PPP4R2: variants seen among roughly 807,000 people sequenced by gnomAD.
The protein encoded by PPP4R2 is serine/threonine-protein phosphatase 4 regulatory subunit 2.
In PPP4R2, 13 loss-of-function variants were observed where a neutral mutation model predicts 47.2. The ratio of observed to expected loss-of-function variants is 0.28; its 90% CI spans 0.18 to 0.44. PPP4R2 has a LOEUF of 0.44. PPP4R2 is among the 20% of genes least tolerant of loss of function. The probability of loss-of-function intolerance (pLI) is 1.00; values close to 1 mark genes in which losing one functional copy is unlikely to be tolerated. For synonymous variants in PPP4R2, 151 were observed against 163.3 expected, an observed-to-expected ratio of 0.92 and a Z score of 0.57; for missense variants, 421 against 491.2, an observed-to-expected ratio of 0.86 and a Z score of 1.35.
At chr3:73,041,955 G>A (rs935334740) in intron 2 of PPP4R2, among the ~76,000 whole-genome samples, 1 of 152,160 alleles carries the variant, frequency 6.6e-6, no homozygotes, top group African/African-American at 2.4e-5. Context: ...CTAGCACCAG[G>A]ATATATTTAT....
intron 3 of PPP4R2, among the ~76,000 whole-genome samples, chr3:73,049,358 G>T (rs1379810064): frequency 6.6e-6 from 1 of 152,056 alleles, no homozygotes; most frequent in Non-Finnish European, 1.5e-5. Context: ...AATCAGCTGG[G>T]CGTTGTCGCG....
chr3:73,017,765 C>T (rs888600569), intron 2 of PPP4R2, among the ~76,000 whole-genome samples: 22 of 151,190 alleles, frequency 1.5e-4, no homozygotes, highest in African/African-American at 3.9e-4. Flanking sequence ...CTTGCTCTGT[C>T]GCCCAGGCTG....
At chr3:73,005,263 C>T (rs948798239) in intron 2 of PPP4R2, among the ~76,000 whole-genome samples, 1 of 151,560 alleles carries the variant, frequency 6.6e-6, no homozygotes, top group South Asian at 2.1e-4. Context: ...TTTTTATAGA[C>T]TAGATCTTTA....
At chr3:73,052,098 G>T (rs1056243223) in intron 3 of PPP4R2, among the ~76,000 whole-genome samples, 1 of 152,062 alleles carries the variant, frequency 6.6e-6, no homozygotes, top group African/African-American at 2.4e-5. Context: ...GAATGACTAG[G>T]TGCGTGGATG....
chr3:73,005,788 C>T (rs1701596877), intron 2 of PPP4R2, among the ~76,000 whole-genome samples: 1 of 142,312 alleles, frequency 7.0e-6, no homozygotes, highest in Non-Finnish European at 1.5e-5. Flanking sequence ...GCCGAGCTCA[C>T]GTCGTTGCAC....
At chr3:73,000,435 A>G (rs1168315217) in intron 2 of PPP4R2, among the ~76,000 whole-genome samples, 1 of 152,244 alleles carries the variant, frequency 6.6e-6, no homozygotes, top group Non-Finnish European at 1.5e-5. Context: ...GATCAAAATC[A>G]GTGACCCCCC....
At chr3:73,058,701 G>A (rs933439435) in intron 3 of PPP4R2, among the ~76,000 whole-genome samples, 1 of 151,606 alleles carries the variant, frequency 6.6e-6, no homozygotes, top group African/African-American at 2.4e-5. Flanking sequence ...TAAAATGTAC[G>A]ATAAATTATT....
chr3:73,036,944 A>G (rs1200311981), intron 2 of PPP4R2, among the ~76,000 whole-genome samples: 1 of 152,254 alleles, frequency 6.6e-6, no homozygotes, highest in Non-Finnish European at 1.5e-5. Context: ...TAAAATATAC[A>G]GTAATCTCTC....
intron 3 of PPP4R2, among the ~76,000 whole-genome samples, chr3:73,052,970 AACAACCC>A (rs1386497497): frequency 6.6e-6 from 1 of 152,240 alleles, no homozygotes; most frequent in African/African-American, 2.4e-5. Flanking sequence ...TGTAGAATAA[AACAACCC>A]ACATTTGATT....
chr3:73,009,415 A>G (rs1400491246), intron 2 of PPP4R2, among the ~76,000 whole-genome samples: 1 of 152,198 alleles, frequency 6.6e-6, no homozygotes, highest in Non-Finnish European at 1.5e-5. Context: ...ACTACTACTA[A>G]ACTCTTTAAA....
intron 5 of PPP4R2, chr3:73,062,047 TAAA>T (rs745428168): frequency 6.7e-4 from 967 of 1,447,966 alleles, no homozygotes; most frequent in Middle Eastern, 1.0e-3. Context: ...GGAAAAATGG[TAAA>T]GAAGTGCAGA....
intron 3 of PPP4R2, among the ~76,000 whole-genome samples, chr3:73,052,885 G>A (rs1432190537): frequency 6.6e-6 from 1 of 152,226 alleles, no homozygotes; most frequent in African/African-American, 2.4e-5. Context: ...AGCAGGTACA[G>A]TCAGTCACAG....
chr3:73,043,120 CA>C (rs1423959840), intron 2 of PPP4R2, among the ~76,000 whole-genome samples: 1 of 151,942 alleles, frequency 6.6e-6, no homozygotes, highest in African/African-American at 2.4e-5. Context: ...ATTAAAAGCA[CA>C]AAAAATTATT....
chr3:73,050,439 A>G (rs1156644466), intron 3 of PPP4R2, among the ~76,000 whole-genome samples: 3 of 151,778 alleles, frequency 2.0e-5, no homozygotes, highest in East Asian at 1.9e-4. Flanking sequence ...CAAAATGTTC[A>G]ATTTTTGTGT....
chr3:73,046,493 T>G (rs1205082471), intron 2 of PPP4R2, among the ~76,000 whole-genome samples: 2 of 152,214 alleles, frequency 1.3e-5, no homozygotes, highest in Non-Finnish European at 2.9e-5. Context: ...AAAATTTCCT[T>G]TTATATTACT....
At chr3:72,997,565 C>A (rs1701376593) in intron 1 of PPP4R2, among the ~76,000 whole-genome samples, 1 of 152,214 alleles carries the variant, frequency 6.6e-6, no homozygotes, top group Non-Finnish European at 1.5e-5. Flanking sequence ...GTTGCCTTCA[C>A]TGTTCTTGAT....
At chr3:73,028,969 GAC>G (rs1702119884) in intron 2 of PPP4R2, among the ~76,000 whole-genome samples, 1 of 152,142 alleles carries the variant, frequency 6.6e-6, no homozygotes, top group African/African-American at 2.4e-5. Flanking sequence ...GTTTTTTTGA[GAC>G]AGTCTCACTC....
At chr3:73,057,504 C>T (rs1702751825) in intron 3 of PPP4R2, among the ~76,000 whole-genome samples, 1 of 152,106 alleles carries the variant, frequency 6.6e-6, no homozygotes, top group Admixed American at 6.5e-5. Flanking sequence ...ATCTTTTATT[C>T]TGTGCCTTGT....
At chr3:73,015,885 G>T in intron 2 of PPP4R2, 1 of 358,956 alleles carries the variant, frequency 2.8e-6, no homozygotes, top group South Asian at 1.9e-5. Flanking sequence ...TGATCTACCT[G>T]CTTTGGCCTC....
Sources: gnomAD v4.1 joint callset for allele counts (sites outside exome capture counted in the v4.1 genomes callset) on GRCh38, gnomAD v4.1.1 for gene constraint, MANE v1.5 for transcripts, NCBI Gene and HGNC (gene_info 2026-07-23, HGNC 2026-07-21) for gene names.